The following ARFGEF1 variants were observed in gnomAD, a reference collection of about 807,000 sequenced individuals.
ARFGEF1 encodes the protein ARF guanine nucleotide exchange factor 1.
Under a neutral mutation model 231.0 loss-of-function variants are expected in ARFGEF1, and 42 were observed. That is an observed-to-expected ratio of 0.18 (90% CI 0.14 to 0.24). The LOEUF is 0.24. Ranked by LOEUF, ARFGEF1 falls within the 10% of genes least tolerant of loss-of-function variation. The pLI, the probability that ARFGEF1 is intolerant of heterozygous loss-of-function variation, is 1.00. For missense variants in ARFGEF1, 1,345 were observed against 2,192.0 expected (o/e 0.61, Z 7.72); for synonymous variants, 710 against 732.3 (o/e 0.97, Z 0.49).
intron 10 of ARFGEF1, among the ~76,000 whole-genome samples, chr8:67,269,410 T>C (rs768147851): frequency 3.7e-4 from 54 of 147,530 alleles, no homozygotes; most frequent in Non-Finnish European, 6.3e-4. Context: ...TGGAGTGCAA[T>C]GGCGCGATCT....
intron 19 of ARFGEF1, among the ~76,000 whole-genome samples, chr8:67,249,855 G>C (rs767011189): frequency 6.6e-6 from 1 of 152,194 alleles, no homozygotes; most frequent in East Asian, 1.9e-4. Context: ...CTCCTGACCT[G>C]AAGCAATCCA....
In ARFGEF1 at chr8:67,225,001, G is replaced by A. The variant is rs749170088; in HGVS notation, c.4110C>T (p.Asn1370=). 35 of 1,603,694 alleles carry A rather than the reference G, an allele frequency of 2.2e-5. No homozygotes were observed. The highest frequency in any genetic ancestry group is 1.7e-4 in the Middle Eastern group (1 of 6,046). The change falls in exon 29 of 39, where the codon AAC becomes AAT. Residue 1370 remains asparagine, a synonymous_variant. Transcript: ENST00000262215. ...CCCACACCCTGTCTTCAGGTGCTAC[G>A]TTCATATCATCGCTTGTGTATTCCT... ...AFKEYTSDDM[N]VAPEDRVWVR...
At chr8:67,222,182 C>CATATATATAT (rs60905220) in intron 29 of ARFGEF1, among the ~76,000 whole-genome samples, 4 of 117,740 alleles carry the variant, frequency 3.4e-5, no homozygotes, top group African/African-American at 1.2e-4. Flanking sequence ...TATATATACA[C>CATATATATAT]ATATATATAT....
At chr8:67,263,609 A>G (rs754011099) in intron 14 of ARFGEF1, among the ~76,000 whole-genome samples, 20 of 152,108 alleles carry the variant, frequency 1.3e-4, no homozygotes, top group Non-Finnish European at 1.3e-4. Context: ...GCTGCTGCAC[A>G]TGCCATTCTC....
intron 18 of ARFGEF1, 128 bp downstream of exon 18, chr8:67,253,323 G>T: frequency 1.8e-6 from 1 of 550,190 alleles, no homozygotes; most frequent in Non-Finnish European, 2.9e-6. Context: ...TGATCCTTCT[G>T]CTTCAGCCTC....
intron 29 of ARFGEF1, among the ~76,000 whole-genome samples, chr8:67,222,178 T>TATATATATATATACAC (rs1428840267): frequency 5.3e-5 from 6 of 112,434 alleles, no homozygotes; most frequent in African/African-American, 2.1e-4. Context: ...TATATATATA[T>TATATATATATATACAC]ACACATATAT....
intron 19 of ARFGEF1, among the ~76,000 whole-genome samples, chr8:67,241,945 C>G (rs1839943730): frequency 6.6e-6 from 1 of 152,174 alleles, no homozygotes; most frequent in South Asian, 2.1e-4. Context: ...ACATTGAACT[C>G]AGTGCCATCC....
At chr8:67,226,988 TTTAA>T (rs1347706818) in intron 27 of ARFGEF1, 145 bp downstream of exon 27, 8 of 627,796 alleles carry the variant, frequency 1.3e-5, no homozygotes, top group Non-Finnish European at 2.0e-5. Flanking sequence ...ATAATAGTAA[TTTAA>T]TTGTTTTTAT....
rs1840121105 is a variant in ARFGEF1 at position 67,246,810 on chromosome 8, G to C, written c.2850+4489C>G. On this transcript the variant is annotated intron_variant, in intron 19 of 38. Coordinates refer to ENST00000262215, the MANE Select transcript of ARFGEF1 (RefSeq NM_006421.5). Reference sequence around the variant, plus strand: ...ATACAAAACATCAACAAAACAAAAAGTTGGTTTTCTGAAATGATAGATAAA... The same window carrying C: ...ATACAAAACATCAACAAAACAAAAACTTGGTTTTCTGAAATGATAGATAAA... 1.3e-5 allele frequency among the ~76,000 whole-genome samples: 2 copies of C among 149,974 alleles called. 1 individual carries two copies.
downstream of ARFGEF1, chr8:67,174,875 A>C (rs1831240371): frequency 6.3e-6 from 1 of 158,442 alleles, no homozygotes; most frequent in Non-Finnish European, 1.4e-5. Flanking sequence ...TTGGCCAGTA[A>C]CATTATTTTT....
chr8:67,258,595 T>G (rs1840539685), intron 15 of ARFGEF1, among the ~76,000 whole-genome samples: 1 of 152,162 alleles, frequency 6.6e-6, no homozygotes, highest in African/African-American at 2.4e-5. Context: ...GTGCTGGGAT[T>G]ACAGGCATGA....
In ARFGEF1 at chr8:67,253,551, AG is replaced by A; in HGVS notation, c.2597del (p.Pro866LeufsTer12). 1 of 1,587,876 alleles carries A rather than the reference AG, an allele frequency of 6.3e-7. No individual in the cohort carries two copies. The highest frequency in any genetic ancestry group is 8.6e-7 in the Non-Finnish European group (1 of 1,157,278). ...TATAGATGGCTGATAGATACTCTTC[AG>A]GAAGGTCTTTACTGTCATTGATACC... The part of the protein sequence containing the change: ...NRGINDSKDL[P>X]EEYLSAIYNE... On this transcript the variant is annotated frameshift_variant, in exon 18 of 39. Coordinates refer to ENST00000262215, the MANE Select transcript of ARFGEF1 (RefSeq NM_006421.5). LOFTEE classifies it high-confidence loss of function.
chr8:67,278,326 T>C (rs918085549), intron 7 of ARFGEF1, among the ~76,000 whole-genome samples: 1 of 152,160 alleles, frequency 6.6e-6, no homozygotes, highest in Non-Finnish European at 1.5e-5. Context: ...GGTTTCTTCA[T>C]GAGTAACAGA....
chr8:67,236,594 A>G (rs1301636172), intron 22 of ARFGEF1, among the ~76,000 whole-genome samples: 3 of 151,916 alleles, frequency 2.0e-5, no homozygotes, highest in Non-Finnish European at 4.4e-5. Context: ...GCCCAACGGG[A>G]GGGCTCTGCC....
chr8:67,232,308 G>T (rs73693152), intron 23 of ARFGEF1, among the ~76,000 whole-genome samples: 1 of 151,782 alleles, frequency 6.6e-6, no homozygotes, highest in African/African-American at 2.4e-5. Context: ...TCTATGTGCT[G>T]GACATTTTAA....
chr8:67,321,545 C>G (rs537643416), intron 1 of ARFGEF1, among the ~76,000 whole-genome samples: 2 of 152,288 alleles, frequency 1.3e-5, no homozygotes, highest in African/African-American at 4.8e-5. Context: ...ACTGAAAGCT[C>G]CACCTCCCGG....
At chr8:67,188,205 C>T (rs1268231840) in intron 5 of ARFGEF1, among the ~76,000 whole-genome samples, 1 of 152,104 alleles carries the variant, frequency 6.6e-6, no homozygotes, top group Non-Finnish European at 1.5e-5. Context: ...AACAAAATAC[C>T]TGATTAAAAG....
chr8:67,215,008 C>T (rs1471084), intron 33 of ARFGEF1, among the ~76,000 whole-genome samples: 12,853 of 152,218 alleles, frequency 0.084, 736 homozygotes, highest in Middle Eastern at 0.12. Flanking sequence ...CGGAATTGTC[C>T]CTGCTAAGTT....
At chr8:67,203,318 A>G (rs973051495) in intron 35 of ARFGEF1, 67 bp from the exon 36 acceptor site, 50 of 1,543,526 alleles carry the variant, frequency 3.2e-5, no homozygotes, top group Non-Finnish European at 4.1e-5. Flanking sequence ...TTACAACTCA[A>G]TGCTCCCCAA....
Sources: allele counts gnomAD v4.1 joint callset (sites outside exome capture counted in the v4.1 genomes callset), GRCh38; gene constraint gnomAD v4.1.1; transcripts MANE v1.5; gene names NCBI Gene and HGNC (gene_info 2026-07-23, HGNC 2026-07-21).